Variants in KCNH1 observed in about 807,000 individuals in gnomAD.
KCNH1 encodes the protein potassium voltage-gated channel subfamily H member 1, also known as voltage-gated delayed rectifier potassium channel KCNH1.
KCNH1 carries 27 observed loss-of-function variants against 69.2 expected under a neutral mutation model. The ratio of observed to expected loss-of-function variants is 0.39; its 90% CI spans 0.29 to 0.54. The LOEUF (loss-of-function observed/expected upper bound fraction) is 0.54, where lower values mean the gene tolerates loss of function less well. KCNH1 is among the 20% of genes least tolerant of loss of function. The probability of loss-of-function intolerance (pLI) is 0.68; values close to 1 mark genes in which losing one functional copy is unlikely to be tolerated. For synonymous variants in KCNH1, 456 were observed against 487.7 expected (o/e 0.93, Z 0.86); for missense variants, 798 against 1,261.6 (o/e 0.63, Z 5.57).
chr1:210,969,384 GA>G (rs1329650985), intron 6 of KCNH1, among the ~76,000 whole-genome samples: 3 of 151,900 alleles, frequency 2.0e-5, no homozygotes. Context: ...TATATATCTT[GA>G]AAATTTGGTA....
At chr1:210,804,986 T>C (rs753526322) in intron 7 of KCNH1, among the ~76,000 whole-genome samples, 9 of 152,150 alleles carry the variant, frequency 5.9e-5, no homozygotes, top group Non-Finnish European at 1.2e-4. Flanking sequence ...AACCCAACCT[T>C]CTACCTCTAA....
At chr1:211,033,119 C>T (rs531013380) in intron 5 of KCNH1, among the ~76,000 whole-genome samples, 6 of 152,306 alleles carry the variant, frequency 3.9e-5, no homozygotes, top group Non-Finnish European at 7.3e-5. Flanking sequence ...ACAGACACTT[C>T]TCAAAAGAAG....
intron 7 of KCNH1, among the ~76,000 whole-genome samples, chr1:210,819,197 T>C (rs1684877196): frequency 1.3e-5 from 2 of 152,176 alleles, no homozygotes; most frequent in Admixed American, 1.3e-4. Flanking sequence ...ACTAAGTTGA[T>C]ACAGCAACTT....
At chr1:210,855,578 G>C (rs1309990848) in intron 7 of KCNH1, among the ~76,000 whole-genome samples, 1 of 152,240 alleles carries the variant, frequency 6.6e-6, no homozygotes, top group Non-Finnish European at 1.5e-5. Context: ...GAACAGCTAA[G>C]TGTATTGAGA....
chr1:210,975,983 AAT>A (rs1162417874), intron 6 of KCNH1, among the ~76,000 whole-genome samples: 23 of 152,260 alleles, frequency 1.5e-4, no homozygotes, highest in Admixed American at 1.1e-3. Context: ...TTATGCAGCC[AAT>A]ACACACATGA....
chr1:210,708,415 G>A (rs535443549), intron 10 of KCNH1, among the ~76,000 whole-genome samples: 4 of 151,744 alleles, frequency 2.6e-5, no homozygotes, highest in Non-Finnish European at 4.4e-5. Flanking sequence ...ATTAAGAACA[G>A]GCTTCTGCTT....
chr1:210,767,170 T>C lies in KCNH1; in HGVS notation c.2112+8178A>G, dbSNP rs531714921. On this transcript the variant is annotated intron_variant, in intron 10 of 10. Transcript: ENST00000271751. ...GCCAAAGAAAGAATGAGAAAGTAAC[T>C]TGCAAGGAGGGACTTTGAAGCTAGT... Among the ~76,000 whole-genome samples the C allele has an allele frequency of 2.1e-4, 32 of 152,338 alleles. 1 individual carries two copies. The South Asian group carries it at 5.0e-3, about 24-fold the overall frequency.
rs113257620 is a variant in KCNH1, at chr1:210,895,116, G to A, written c.1462+24524C>T. 5.0e-3 allele frequency among the ~76,000 whole-genome samples: 755 copies of A among 149,704 alleles called. 5 individuals are homozygous for A. Among genetic ancestry groups the A allele is most frequent in the African/African-American group, 0.017 (708 of 40,882 alleles). On this transcript the variant is annotated intron_variant, in intron 7 of 10. Transcript: ENST00000271751. ...TTACTTGATGTCCAGTATCTTGAAAGTATTGTTTTATATATTTTGTTAAGC... is the reference window on the plus strand; with the variant it reads ...TTACTTGATGTCCAGTATCTTGAAAATATTGTTTTATATATTTTGTTAAGC...
chr1:210,727,238 T>G (rs1213841761), intron 10 of KCNH1, among the ~76,000 whole-genome samples: 2 of 152,216 alleles, frequency 1.3e-5, no homozygotes, highest in Admixed American at 1.3e-4. Context: ...AAGCCCCATA[T>G]TTGATCAGCA....
intron 7 of KCNH1, among the ~76,000 whole-genome samples, chr1:210,853,135 G>C (rs755216618): frequency 8.5e-5 from 13 of 152,198 alleles, no homozygotes; most frequent in Non-Finnish European, 1.8e-4. Context: ...TCTGGAGTGA[G>C]ACAGAGCTGG....
chr1:211,074,976 A>G (rs989374034), intron 5 of KCNH1, among the ~76,000 whole-genome samples: 1 of 152,234 alleles, frequency 6.6e-6, no homozygotes, highest in African/African-American at 2.4e-5. Context: ...TTTCTCTGGT[A>G]GAACTCTGAC....
At chr1:210,987,537 C>T (rs1473608031) in intron 6 of KCNH1, among the ~76,000 whole-genome samples, 1 of 152,206 alleles carries the variant, frequency 6.6e-6, no homozygotes, top group Non-Finnish European at 1.5e-5. Flanking sequence ...TTGGAGTTTG[C>T]TGGAAGTCCA....
At chr1:211,128,788 G>C (rs1691828845) in intron 1 of KCNH1, among the ~76,000 whole-genome samples, 1 of 152,180 alleles carries the variant, frequency 6.6e-6, no homozygotes, top group African/African-American at 2.4e-5. Context: ...AATGGGCTAA[G>C]TCAGTTTTGT....
intron 1 of KCNH1, among the ~76,000 whole-genome samples, chr1:211,120,906 A>G (rs1443580621): frequency 1.3e-5 from 2 of 152,182 alleles, no homozygotes; most frequent in African/African-American, 4.8e-5. Context: ...GCAGAAAGCC[A>G]AATCATGAAC....
At chr1:210,885,115 C>A (rs879931277) in intron 7 of KCNH1, among the ~76,000 whole-genome samples, 4 of 152,232 alleles carry the variant, frequency 2.6e-5, no homozygotes, top group Non-Finnish European at 4.4e-5. Context: ...CCCGTTATAT[C>A]AGGATCTTCT....
intron 6 of KCNH1, among the ~76,000 whole-genome samples, chr1:210,951,049 T>G (rs1376004021): frequency 1.3e-5 from 2 of 152,034 alleles, no homozygotes; most frequent in Non-Finnish European, 2.9e-5. Context: ...GGGTAAAGAG[T>G]CATTCTTAAT....
chr1:210,761,414 G>T (rs1169812579), intron 10 of KCNH1, among the ~76,000 whole-genome samples: 1 of 151,884 alleles, frequency 6.6e-6, no homozygotes, highest in Admixed American at 6.6e-5. Context: ...GAGTGTAAAT[G>T]GTCTAAATGC....
At chr1:211,117,900 TG>T (rs1691611092) in intron 1 of KCNH1, among the ~76,000 whole-genome samples, 1 of 152,186 alleles carries the variant, frequency 6.6e-6, no homozygotes, top group South Asian at 2.1e-4. Context: ...TGCATCCATA[TG>T]GAGTAATCAA....
chr1:210,978,722 C>CT (rs1383903494), intron 6 of KCNH1, among the ~76,000 whole-genome samples: 1 of 152,170 alleles, frequency 6.6e-6, no homozygotes, highest in East Asian at 1.9e-4. Context: ...AGCCTAAACT[C>CT]TTAAGAGTCA....
Sources: allele counts gnomAD v4.1 joint callset (sites outside exome capture counted in the v4.1 genomes callset), GRCh38; gene constraint gnomAD v4.1.1; transcripts MANE v1.5; gene names NCBI Gene and HGNC (gene_info 2026-07-23, HGNC 2026-07-21).